ARHGAP39: variants seen among roughly 807,000 people sequenced by gnomAD.
ARHGAP39 encodes the protein rho GTPase-activating protein 39.
ARHGAP39 carries 44 observed loss-of-function variants against 106.9 expected under a neutral mutation model. That is an observed-to-expected ratio of 0.41 (90% CI 0.32 to 0.53). The LOEUF (loss-of-function observed/expected upper bound fraction) is 0.53, where lower values mean the gene tolerates loss of function less well. Among genes scored for constraint, ARHGAP39 ranks in the 20% least tolerant of loss-of-function variants. The pLI is 0.21. For synonymous variants in ARHGAP39, 768 were observed against 693.2 expected (o/e 1.11, Z -1.69); for missense variants, 1,496 against 1,577.3 (o/e 0.95, Z 0.87).
At chr8:144,640,992 C>A (rs537781948) in intron 1 of ARHGAP39, among the ~76,000 whole-genome samples, 1 of 152,196 alleles carries the variant, frequency 6.6e-6, no homozygotes, top group Non-Finnish European at 1.5e-5. Flanking sequence ...TCCCACTCTT[C>A]ATCTATATAG....
At chr8:144,678,609 G>C (rs547621473) in intron 1 of ARHGAP39, among the ~76,000 whole-genome samples, 4 of 152,206 alleles carry the variant, frequency 2.6e-5, no homozygotes, top group Non-Finnish European at 5.9e-5. Context: ...GGAGGCACTG[G>C]GGAGCCAGGG....
intron 3 of ARHGAP39, among the ~76,000 whole-genome samples, chr8:144,575,549 G>A (rs1818740026): frequency 6.6e-6 from 1 of 151,922 alleles, no homozygotes. Context: ...CAACACCACC[G>A]TCTTCCCATT....
the ARHGAP39 span, chr8:144,698,976 G>C: frequency 2.3e-5 from 10 of 429,554 alleles, no homozygotes; most frequent in South Asian, 1.6e-4. Context: ...GGCCCCAGCC[G>C]CGTTTCTCTT....
chr8:144,614,780 T>C (rs1371018630), intron 1 of ARHGAP39, among the ~76,000 whole-genome samples: 3 of 152,250 alleles, frequency 2.0e-5, no homozygotes, highest in African/African-American at 7.2e-5. Context: ...CTCCACTGGG[T>C]ACGCTACCAC....
intron 1 of ARHGAP39, among the ~76,000 whole-genome samples, chr8:144,678,848 G>T (rs891765070): frequency 1.3e-5 from 2 of 152,182 alleles, no homozygotes; most frequent in Non-Finnish European, 2.9e-5. Flanking sequence ...CATCTGAGCA[G>T]CTATGTGGCA....
intron 8 of ARHGAP39, among the ~76,000 whole-genome samples, chr8:144,533,656 T>G (rs1339882332): frequency 8.5e-5 from 13 of 152,178 alleles, no homozygotes; most frequent in Admixed American, 8.5e-4. Flanking sequence ...ACAGGGGCCC[T>G]TGGGAAGGTG....
intron 3 of ARHGAP39, among the ~76,000 whole-genome samples, chr8:144,556,562 A>G (rs922055328): frequency 3.3e-5 from 5 of 151,306 alleles, no homozygotes; most frequent in Admixed American, 6.6e-5. Flanking sequence ...CCTTCATAGT[A>G]TTCAGAGGCA....
At chr8:144,602,821 C>T (rs1286570571) in intron 2 of ARHGAP39, among the ~76,000 whole-genome samples, 2 of 116,788 alleles carry the variant, frequency 1.7e-5, no homozygotes, top group Admixed American at 1.0e-4. Context: ...CGTGTGTGCT[C>T]GTGTACCTGT....
Position 144,685,740 on chromosome 8 carries a change from C to A in ARHGAP39, c.-136G>T, listed in dbSNP as rs1350913045. On this transcript the variant is annotated 5_prime_UTR_variant, in exon 1 of 12. Transcript: ENST00000377307. ...CAGTCCCTCATCCCGGCCCGCGCGA[C>A]GCGCGTGAGCCAGCCGCCGCTCCCC... Among the ~76,000 whole-genome samples, 2 of 147,704 alleles carry A rather than the reference C, an allele frequency of 1.4e-5. No homozygotes were observed. The highest frequency in any genetic ancestry group is 2.1e-4 in the South Asian group (1 of 4,820).
At chr8:144,590,285 C>T (rs1819342666) in intron 2 of ARHGAP39, among the ~76,000 whole-genome samples, 1 of 152,222 alleles carries the variant, frequency 6.6e-6, no homozygotes, top group Non-Finnish European at 1.5e-5. Context: ...TTTCTGACCA[C>T]TGGTGATGAC....
rs182256625 is a variant in ARHGAP39, at chr8:144,673,374, T to G, written c.-82+12312A>C. On this transcript the variant is annotated intron_variant, in intron 1 of 11. Transcript: ENST00000377307. ...TTCTGAAAAATCCTAGTCACTCCTGTTTTTAACAGCTTCATTGAGATAGAA... is the reference window on the plus strand; with the variant it reads ...TTCTGAAAAATCCTAGTCACTCCTGGTTTTAACAGCTTCATTGAGATAGAA... 6.5e-3 allele frequency among the ~76,000 whole-genome samples: 987 copies of G among 152,318 alleles called. 11 individuals carry two copies. Among genetic ancestry groups the G allele is most frequent in the African/African-American group, 0.022 (919 of 41,562 alleles).
chr8:144,667,931 G>A lies in ARHGAP39; in HGVS notation c.-82+17755C>T, dbSNP rs1291234714. ...AAACATTTTTCCTAGACTTTATGGA[G>A]AGTGACGGCTTCTTCTGACAAAGCA... On this transcript the variant is annotated intron_variant, in intron 1 of 11. Transcript: ENST00000377307. Among the ~76,000 whole-genome samples the A allele has an allele frequency of 2.0e-5, 3 of 152,172 alleles. No homozygotes were observed. The East Asian group carries it at 5.8e-4, about 29-fold the overall frequency.
At chr8:144,575,705 A>C (rs1224600443) in intron 3 of ARHGAP39, among the ~76,000 whole-genome samples, 7 of 152,170 alleles carry the variant, frequency 4.6e-5, no homozygotes, top group Non-Finnish European at 7.4e-5. Context: ...TAAATGATAA[A>C]AACTATGGTA....
Position 144,575,776 on chromosome 8 carries a change from C to T in ARHGAP39, c.512+5070G>A, listed in dbSNP as rs566457153. ...CATCATCATGGTCAAGCACTATGCA[C>T]GGTTCATAACCACACGTGCTGCTCC... On this transcript the variant is annotated intron_variant, in intron 3 of 11. Coordinates refer to ENST00000377307, the MANE Select transcript of ARHGAP39 (RefSeq NM_025251.3). Among the ~76,000 whole-genome samples, 74 of 152,298 alleles carry T rather than the reference C, an allele frequency of 4.9e-4. 1 individual carries two copies. The highest frequency in any genetic ancestry group is 6.8e-3 in the Middle Eastern group (2 of 294).
intron 7 of ARHGAP39, among the ~76,000 whole-genome samples, chr8:144,534,565 C>T (rs1462672286): frequency 1.3e-5 from 2 of 152,230 alleles, no homozygotes; most frequent in South Asian, 2.1e-4. Context: ...TTTGACTCTT[C>T]TCTGCTTCAG....
intron 6 of ARHGAP39, among the ~76,000 whole-genome samples, chr8:144,538,645 C>T (rs995784617): frequency 6.6e-6 from 1 of 152,134 alleles, no homozygotes; most frequent in Non-Finnish European, 1.5e-5. Flanking sequence ...CAACCTCCAC[C>T]CACCGCAGCC....
At chr8:144,602,284 G>A in intron 2 of ARHGAP39, among the ~76,000 whole-genome samples, 1 of 122,444 alleles carries the variant, frequency 8.2e-6, no homozygotes, top group Non-Finnish European at 1.6e-5. Context: ...TGTGCGTGGA[G>A]GCGTGTGTGC....
chr8:144,663,969 C>G (rs921083413), intron 1 of ARHGAP39, among the ~76,000 whole-genome samples: 1 of 152,072 alleles, frequency 6.6e-6, no homozygotes, highest in Non-Finnish European at 1.5e-5. Flanking sequence ...GAGTTCAAGA[C>G]CAGCTTGGGC....
intron 2 of ARHGAP39, among the ~76,000 whole-genome samples, chr8:144,583,211 C>A (rs1479335286): frequency 1.3e-5 from 2 of 152,254 alleles, no homozygotes; most frequent in East Asian, 3.8e-4. Context: ...TAGGCAGCAC[C>A]TTTCAGTCCC....
Sources: gnomAD v4.1 joint callset for allele counts (sites outside exome capture counted in the v4.1 genomes callset) on GRCh38, gnomAD v4.1.1 for gene constraint, MANE v1.5 for transcripts, NCBI Gene and HGNC (gene_info 2026-07-23, HGNC 2026-07-21) for gene names.